NALF1: variants seen among roughly 807,000 people sequenced by gnomAD.
NALF1 encodes the protein NALCN channel auxiliary factor 1, also known as family with sequence similarity 155 member A.
Under a neutral mutation model 48.4 loss-of-function variants are expected in NALF1, and 3 were observed. That is an observed-to-expected ratio of 0.06 (90% CI 0.03 to 0.16). The LOEUF is 0.16. NALF1 is among the 10% of genes least tolerant of loss of function. The pLI is 1.00. For missense variants in NALF1, 526 were observed against 571.5 expected (o/e 0.92, Z 0.81); for synonymous variants, 262 against 245.7 (o/e 1.07, Z -0.62).
intron 1 of NALF1, among the ~76,000 whole-genome samples, chr13:107,806,811 T>C (rs1878804602): frequency 6.6e-6 from 1 of 152,164 alleles, no homozygotes; most frequent in South Asian, 2.1e-4. Flanking sequence ...CCCAAGAGTT[T>C]CAATGCAATA....
intron 1 of NALF1, among the ~76,000 whole-genome samples, chr13:107,484,291 G>C (rs904571979): frequency 1.3e-5 from 2 of 151,968 alleles, no homozygotes; most frequent in Non-Finnish European, 2.9e-5. Context: ...AACTAGTTTT[G>C]TGTCCATTTT....
At chr13:107,297,475 A>G (rs1380903060) in intron 1 of NALF1, among the ~76,000 whole-genome samples, 2 of 152,192 alleles carry the variant, frequency 1.3e-5, no homozygotes, top group African/African-American at 4.8e-5. Context: ...AGGATATCTG[A>G]CTTCAGAATA....
intron 2 of NALF1, among the ~76,000 whole-genome samples, chr13:107,179,890 T>C (rs1484537841): frequency 6.8e-6 from 1 of 146,914 alleles, no homozygotes; most frequent in African/African-American, 2.5e-5. Flanking sequence ...CTTCCCTACA[T>C]GTCTCGGTGT....
At chr13:107,639,022 G>C (rs1462134826) in intron 1 of NALF1, among the ~76,000 whole-genome samples, 1 of 137,780 alleles carries the variant, frequency 7.3e-6, no homozygotes, top group Non-Finnish European at 1.5e-5. Context: ...AAGAATTGCT[G>C]ATTGATTATT....
intron 1 of NALF1, among the ~76,000 whole-genome samples, chr13:107,710,152 GAGAAA>G (rs1338694883): frequency 6.7e-6 from 1 of 149,700 alleles, no homozygotes; most frequent in African/African-American, 2.5e-5. Context: ...AGAAAAAAAG[GAGAAA>G]AGAAAAGAAA....
At chr13:107,593,597 TTG>T (rs1878658191) in intron 1 of NALF1, among the ~76,000 whole-genome samples, 1 of 151,938 alleles carries the variant, frequency 6.6e-6, no homozygotes, top group South Asian at 2.1e-4. Flanking sequence ...TCCCCAAATT[TTG>T]TCTTTCACAC....
At chr13:107,182,591 T>C (rs2806494) in intron 2 of NALF1, among the ~76,000 whole-genome samples, 45,345 of 152,032 alleles carry the variant, frequency 0.3, 7,990 homozygotes, top group African/African-American at 0.5. Flanking sequence ...TACTTAAATG[T>C]ATATTTTTTC....
At chr13:107,565,092 TAAGTAA>T (rs1394267010) in intron 1 of NALF1, among the ~76,000 whole-genome samples, 19 of 64,950 alleles carry the variant, frequency 2.9e-4, no homozygotes, top group African/African-American at 1.1e-3. Context: ...AAACCTAGCA[TAAGTAA>T]AAGACAAAAA....
At chr13:107,487,049 C>T (rs190003114) in intron 1 of NALF1, among the ~76,000 whole-genome samples, 4 of 152,170 alleles carry the variant, frequency 2.6e-5, no homozygotes, top group Non-Finnish European at 5.9e-5. Flanking sequence ...ACGAATTCCT[C>T]CGTGCAGCTT....
At chr13:107,638,201 A>ATATATATATATATGTATG (rs372122331) in intron 1 of NALF1, among the ~76,000 whole-genome samples, 12,463 of 110,772 alleles carry the variant, frequency 0.11, 1,648 homozygotes, top group Middle Eastern at 0.26. Context: ...ATATATATAT[A>ATATATATATATATGTATG]TATATAATTT....
intron 1 of NALF1, among the ~76,000 whole-genome samples, chr13:107,290,187 C>CAA (rs60166851): frequency 7.0e-6 from 1 of 143,236 alleles, no homozygotes; most frequent in Non-Finnish European, 1.5e-5. Context: ...AAAAAAAAAA[C>CAA]AAAAAAAAAA....
intron 2 of NALF1, among the ~76,000 whole-genome samples, chr13:107,182,182 T>C (rs1879076891): frequency 6.6e-6 from 1 of 152,076 alleles, no homozygotes; most frequent in South Asian, 2.1e-4. Context: ...TTCCTTTTGT[T>C]TTCTGTCATT....
intron 1 of NALF1, among the ~76,000 whole-genome samples, chr13:107,272,884 G>A (rs1881205098): frequency 6.6e-6 from 1 of 152,140 alleles, no homozygotes; most frequent in Non-Finnish European, 1.5e-5. Flanking sequence ...ACATATACGT[G>A]TATAAACTAC....
intron 1 of NALF1, among the ~76,000 whole-genome samples, chr13:107,291,490 C>CA (rs66746220): frequency 3.0e-4 from 44 of 145,040 alleles, no homozygotes; most frequent in African/African-American, 6.4e-4. Context: ...AAGGTGTATA[C>CA]AAAAAAAAAA....
intron 1 of NALF1, among the ~76,000 whole-genome samples, chr13:107,778,867 C>T (rs1212018393): frequency 1.3e-5 from 2 of 152,174 alleles, no homozygotes; most frequent in Non-Finnish European, 2.9e-5. Flanking sequence ...CATCAGTTCT[C>T]ACTATCCAAC....
intron 1 of NALF1, among the ~76,000 whole-genome samples, chr13:107,711,167 C>A (rs1457931485): frequency 6.6e-6 from 1 of 152,114 alleles, no homozygotes; most frequent in Non-Finnish European, 1.5e-5. Flanking sequence ...CTCCTCACTA[C>A]CTTGTTGGCA....
chr13:107,600,277 T>C (rs1878885211), intron 1 of NALF1, among the ~76,000 whole-genome samples: 1 of 152,134 alleles, frequency 6.6e-6, no homozygotes, highest in African/African-American at 2.4e-5. Context: ...GACTCAGGGA[T>C]ACACAATAGG....
intron 1 of NALF1, among the ~76,000 whole-genome samples, chr13:107,820,404 C>T (rs775178930): frequency 1.3e-5 from 2 of 152,178 alleles, no homozygotes; most frequent in Non-Finnish European, 2.9e-5. Context: ...AATGCACACA[C>T]AGATCTGACA....
In NALF1 at chr13:107,167,125, G is replaced by T. The variant is rs184970215; in HGVS notation, c.*3372C>A. The T allele has an allele frequency of 3.5e-4, 53 of 152,206 alleles. No individual in the cohort carries two copies. In the East Asian group the frequency reaches 8.3e-3, roughly 24 times the overall value. The allele number at this position is 152,206 out of a possible 1,614,324, so 9.4% of individuals were successfully genotyped here. On this transcript the variant is annotated 3_prime_UTR_variant, in exon 3 of 3. Transcript: ENST00000375915. ...GAAATTTCTCTATTGCAGATAAAAA[G>T]AATAATAAACAGGGAAATCTATGCC... is the stretch of plus-strand genomic sequence containing the variant.
Sources: gnomAD v4.1 joint callset for allele counts (sites outside exome capture counted in the v4.1 genomes callset) on GRCh38, gnomAD v4.1.1 for gene constraint, MANE v1.5 for transcripts, NCBI Gene and HGNC (gene_info 2026-07-23, HGNC 2026-07-21) for gene names.